The following CTNNA3 variants were observed in gnomAD, a reference collection of about 807,000 sequenced individuals.
The protein encoded by CTNNA3 is catenin alpha 3.
A neutral mutation model predicts 95.7 loss-of-function variants in CTNNA3; 76 were observed. That is an observed-to-expected ratio of 0.79 (90% confidence interval 0.66 to 0.96). The LOEUF (loss-of-function observed/expected upper bound fraction) is 0.96. CTNNA3 is among the 40% of genes least tolerant of loss of function. The probability of loss-of-function intolerance (pLI) is 0.00; values close to 1 mark genes in which losing one functional copy is unlikely to be tolerated. For missense variants in CTNNA3, 1,191 were observed against 1,089.8 expected (o/e 1.09, Z -1.31); for synonymous variants, 431 against 374.4 (o/e 1.15, Z -1.74).
intron 5 of CTNNA3, among the ~76,000 whole-genome samples, chr10:67,389,620 C>G (rs1460840972): frequency 2.0e-5 from 3 of 146,616 alleles, no homozygotes; most frequent in Non-Finnish European, 4.5e-5. Flanking sequence ...TTTTCAGCAC[C>G]ACACCACACC....
intron 3 of CTNNA3, among the ~76,000 whole-genome samples, chr10:67,564,295 A>G (rs889639966): frequency 2.0e-5 from 3 of 149,950 alleles, no homozygotes; most frequent in South Asian, 2.2e-4. Flanking sequence ...CATATAATCC[A>G]TGGAATACTA....
chr10:66,409,132 G>T (rs559390299), intron 11 of CTNNA3, among the ~76,000 whole-genome samples: 1 of 152,184 alleles, frequency 6.6e-6, no homozygotes, highest in African/African-American at 2.4e-5. Context: ...TAGTGAATCT[G>T]CCTCTAGAAA....
intron 13 of CTNNA3, among the ~76,000 whole-genome samples, chr10:66,269,533 T>C (rs1340023721): frequency 6.6e-6 from 1 of 152,236 alleles, no homozygotes; most frequent in East Asian, 1.9e-4. Flanking sequence ...ATTTTTGTTA[T>C]GGGATCTTTC....
rs544475216 is a variant in CTNNA3 at position 66,241,931 on chromosome 10, T to G, written c.1884+38539A>C. Among the ~76,000 whole-genome samples, 118 of 152,276 alleles carry G rather than the reference T, an allele frequency of 7.7e-4. 1 individual carries two copies. The highest frequency in any genetic ancestry group is 2.8e-3 in the African/African-American group (116 of 41,556). On this transcript the variant is annotated intron_variant, in intron 13 of 17. Transcript: ENST00000433211. ...ATACAGGAGAATACTTTCAAAACCT[T>G]GGAGCTGCCAGTTTTTCTGTTTTAA...
At chr10:66,093,613 T>A (rs547675920) in intron 14 of CTNNA3, among the ~76,000 whole-genome samples, 1 of 152,072 alleles carries the variant, frequency 6.6e-6, no homozygotes, top group Non-Finnish European at 1.5e-5. Context: ...ATCCCTTATA[T>A]GGCCAGGAAT....
At chr10:66,240,422 A>T (rs2090050627) in intron 13 of CTNNA3, among the ~76,000 whole-genome samples, 1 of 152,092 alleles carries the variant, frequency 6.6e-6, no homozygotes, top group African/African-American at 2.4e-5. Flanking sequence ...TGGGCTTCTG[A>T]ATATGTACTA....
At chr10:67,080,946 A>C (rs1334454086) in intron 7 of CTNNA3, among the ~76,000 whole-genome samples, 2 of 151,858 alleles carry the variant, frequency 1.3e-5, no homozygotes, top group Non-Finnish European at 2.9e-5. Flanking sequence ...CAAAAAAAAA[A>C]AAACAAAGAA....
At chr10:66,232,383 G>A (rs913088962) in intron 13 of CTNNA3, among the ~76,000 whole-genome samples, 4 of 151,988 alleles carry the variant, frequency 2.6e-5, no homozygotes, top group African/African-American at 9.6e-5. Flanking sequence ...ACCTTTCTGT[G>A]CAAATTTTAA....
In CTNNA3 at chr10:66,927,596, G is replaced by C; in HGVS notation, c.1048-152072C>G. On this transcript the variant is annotated intron_variant, in intron 7 of 17. Coordinates refer to ENST00000433211, the MANE Select transcript of CTNNA3 (RefSeq NM_013266.4). The surrounding 1 kb of genome is among the most constrained non-coding windows in gnomAD (Gnocchi z 4.7). ...AAGCTCAACCTGGCCCTTTTTCCAAGGTTGGTCAGCCTTCAGAACCTTTAC... is the reference window on the plus strand; with the variant it reads ...AAGCTCAACCTGGCCCTTTTTCCAACGTTGGTCAGCCTTCAGAACCTTTAC... 1.2e-6 allele frequency: 2 copies of C among 1,614,150 alleles called. No homozygotes were observed. Among genetic ancestry groups the C allele is most frequent in the Non-Finnish European group, 1.7e-6 (2 of 1,180,036 alleles).
intron 5 of CTNNA3, among the ~76,000 whole-genome samples, chr10:67,263,453 A>C (rs1057185879): frequency 6.6e-6 from 1 of 152,192 alleles, no homozygotes; most frequent in African/African-American, 2.4e-5. Context: ...TTTTCCTTTG[A>C]TATGACAGTC....
At chr10:66,026,319 T>G (rs1264581110) in intron 15 of CTNNA3, among the ~76,000 whole-genome samples, 1 of 152,212 alleles carries the variant, frequency 6.6e-6, no homozygotes, top group Non-Finnish European at 1.5e-5. Flanking sequence ...ATATTAATGT[T>G]TACTTTGATT....
At chr10:66,718,982 T>C (rs12783610) in intron 9 of CTNNA3, among the ~76,000 whole-genome samples, 3,639 of 152,290 alleles carry the variant, frequency 0.024, 186 homozygotes, top group East Asian at 0.22. Context: ...CATTGCTTTC[T>C]AGGTACTACC....
intron 15 of CTNNA3, among the ~76,000 whole-genome samples, chr10:66,011,065 T>C (rs1407238150): frequency 6.6e-6 from 1 of 152,200 alleles, no homozygotes; most frequent in Non-Finnish European, 1.5e-5. Flanking sequence ...CTTGTGTTGA[T>C]TTGAAACACA....
At position 67,096,267 on chromosome 10, in the gene CTNNA3, A is replaced by G. The variant is rs571091999; in HGVS notation, c.1047+84050T>C. On this transcript the variant is annotated intron_variant, in intron 7 of 17. Transcript: ENST00000433211. ...GGTAATATTTGCTCCAGGAATTTTC[A>G]CTGAAGTAGAAATACATGTAAGTAG... 2.0e-5 allele frequency among the ~76,000 whole-genome samples: 3 copies of G among 151,972 alleles called. No individual in the cohort carries two copies. In the South Asian group the frequency reaches 6.2e-4, roughly 31 times the overall value.
chr10:66,833,296 C>G (rs1842785169), intron 7 of CTNNA3, among the ~76,000 whole-genome samples: 1 of 152,168 alleles, frequency 6.6e-6, no homozygotes, highest in Non-Finnish European at 1.5e-5. Flanking sequence ...GAATCAAGAC[C>G]TACTTCATTG....
intron 15 of CTNNA3, among the ~76,000 whole-genome samples, chr10:66,031,244 A>T (rs1364566301): frequency 1.3e-5 from 2 of 152,180 alleles, no homozygotes; most frequent in Non-Finnish European, 2.9e-5. Flanking sequence ...CCAAAAAGAC[A>T]TGTGCACTCA....
intron 7 of CTNNA3, among the ~76,000 whole-genome samples, chr10:66,953,693 T>C (rs1739809421): frequency 6.6e-6 from 1 of 152,186 alleles, no homozygotes; most frequent in Non-Finnish European, 1.5e-5. Context: ...CTTTGAAACT[T>C]AAAATAGATA....
chr10:67,611,421 C>T (rs1012281436), intron 2 of CTNNA3, among the ~76,000 whole-genome samples: 4 of 152,090 alleles, frequency 2.6e-5, no homozygotes, highest in African/African-American at 4.8e-5. Context: ...TCACACCATT[C>T]GCCTGCCTCA....
At chr10:65,954,223 T>C (rs2212720) in intron 17 of CTNNA3, among the ~76,000 whole-genome samples, 62,467 of 152,122 alleles carry the variant, frequency 0.41, 14,000 homozygotes, top group African/African-American at 0.59. Context: ...GCCCACTTTT[T>C]GATGGGGCTG....
Sources: gnomAD v4.1 joint callset for allele counts (sites outside exome capture counted in the v4.1 genomes callset) on GRCh38, gnomAD v4.1.1 for gene constraint, Gnocchi (gnomAD v3.1) non-coding constraint, MANE v1.5 for transcripts, NCBI Gene and HGNC (gene_info 2026-07-23, HGNC 2026-07-21) for gene names.